The following PACSIN1 variants were observed in gnomAD, a reference collection of about 807,000 sequenced individuals.
The protein encoded by PACSIN1 is protein kinase C and casein kinase substrate in neurons 1, also known as protein kinase C and casein kinase substrate in neurons protein 1.
PACSIN1 carries 15 observed loss-of-function variants against 59.5 expected under a neutral mutation model. The observed-to-expected ratio is 0.25, with a 90% confidence interval of 0.17 to 0.39. The LOEUF (loss-of-function observed/expected upper bound fraction) is 0.39. Ranked by LOEUF, PACSIN1 falls within the 10% of genes least tolerant of loss-of-function variation. PACSIN1 has a pLI of 1.00. For missense variants in PACSIN1, 420 were observed against 580.2 expected (o/e 0.72, Z 2.84); for synonymous variants, 210 against 220.6 (o/e 0.95, Z 0.42).
Position 34,525,267 on chromosome 6 carries a change from A to G in PACSIN1, c.-63-976A>G, listed in dbSNP as rs1767462617. Reference sequence around the variant, plus strand: ...ATGCCTGAGGGGTGCAAGAGGCAATACTGGGTTATTACTGGGAAAGAGCCC... The same window carrying G: ...ATGCCTGAGGGGTGCAAGAGGCAATGCTGGGTTATTACTGGGAAAGAGCCC... On this transcript the variant is annotated intron_variant, in intron 1 of 9. Coordinates refer to ENST00000244458, the MANE Select transcript of PACSIN1 (RefSeq NM_020804.5). The surrounding 1 kb of genome is among the most constrained non-coding windows in gnomAD (Gnocchi z 4.9). Among the ~76,000 whole-genome samples the G allele has an allele frequency of 6.6e-6, 1 of 152,208 alleles. No homozygotes were observed. The highest frequency in any genetic ancestry group is 1.5e-5 in the Non-Finnish European group (1 of 68,030).
intron 1 of PACSIN1, among the ~76,000 whole-genome samples, chr6:34,471,342 A>G (rs1269493656): frequency 6.6e-6 from 1 of 152,226 alleles, no homozygotes; most frequent in Non-Finnish European, 1.5e-5. Context: ...GTGTGGGGGA[A>G]GAATCAATAG....
intron 1 of PACSIN1, among the ~76,000 whole-genome samples, chr6:34,512,382 G>T (rs1767218096): frequency 1.3e-5 from 2 of 152,070 alleles, no homozygotes; most frequent in East Asian, 3.9e-4. Flanking sequence ...AGCTGTCTTT[G>T]GTATCCTTGG....
Position 34,530,845 on chromosome 6 carries a change from G to T in PACSIN1, c.1037+258G>T, listed in dbSNP as rs1373508254. On this transcript the variant is annotated intron_variant, in intron 8 of 9. Coordinates refer to ENST00000244458, the MANE Select transcript of PACSIN1 (RefSeq NM_020804.5). This position sits in a 1 kb window ranked among gnomAD's most constrained non-coding sequence, Gnocchi z 4.4. ...AAACTGTTCCACCTCAGATCATCAG[G>T]CGTTAGATTCTCCTAAGGAACGTGC... Among the ~76,000 whole-genome samples, 1 of 152,180 alleles carries T rather than the reference G, an allele frequency of 6.6e-6. No homozygotes were observed.
At chr6:34,467,490 C>G (rs1247492713) in intron 1 of PACSIN1, among the ~76,000 whole-genome samples, 1 of 151,282 alleles carries the variant, frequency 6.6e-6, no homozygotes. Flanking sequence ...GGCTTTCTCT[C>G]TATTCCCCAG....
rs1171624409 is a variant in PACSIN1, at chr6:34,525,920, A to T, written c.-63-323A>T. On this transcript the variant is annotated intron_variant, in intron 1 of 9. Coordinates refer to ENST00000244458, the MANE Select transcript of PACSIN1 (RefSeq NM_020804.5). The surrounding 1 kb of genome is among the most constrained non-coding windows in gnomAD (Gnocchi z 4.9). ...GGTCCCGGGGCTCAGATAACTGAGG[A>T]GGCGCTGAGCCTGGGCTCCAACAGT... 6.6e-6 allele frequency among the ~76,000 whole-genome samples: 1 copy of T among 151,972 alleles called. No homozygotes were observed. The highest frequency in any genetic ancestry group is 1.5e-5 in the Non-Finnish European group (1 of 67,974).
rs997974391 is a variant in PACSIN1 at position 34,515,450 on chromosome 6, G to T, written c.-63-10793G>T. Among the ~76,000 whole-genome samples, 6 of 152,170 alleles carry T rather than the reference G, an allele frequency of 3.9e-5. No individual in the cohort carries two copies. The highest frequency in any genetic ancestry group is 1.4e-4 in the African/African-American group (6 of 41,444). On this transcript the variant is annotated intron_variant, in intron 1 of 9. Transcript: ENST00000244458. The surrounding 1 kb of genome is among the most constrained non-coding windows in gnomAD (Gnocchi z 4.4). ...TGCGGCAGAGGGCAGGGAGGAGTAA[G>T]GATGCCCCTGCCCCACTCAAGGCAC...
intron 4 of PACSIN1, 35 bp downstream of exon 4, chr6:34,528,912 T>TGGGCCCTGGGGGGGGGGGGGGG: frequency 1.1e-5 from 5 of 464,330 alleles, no homozygotes; most frequent in East Asian, 1.1e-4. Context: ...CGGGGTGGGG[T>TGGGCCCTGGGGGGGGGGGGGGG]GGGCCCGTCT....
intron 1 of PACSIN1, among the ~76,000 whole-genome samples, chr6:34,482,175 C>T (rs1766728852): frequency 6.6e-6 from 1 of 152,192 alleles, no homozygotes; most frequent in South Asian, 2.1e-4. Flanking sequence ...CAATCTCTGC[C>T]TCTTGGATTC....
rs1266485172 is a variant in PACSIN1 at position 34,531,672 on chromosome 6, G to A, written c.1110G>A (p.Gly370=). 6.8e-6 allele frequency: 11 copies of A among 1,613,854 alleles called. No homozygotes were observed. The highest frequency in any genetic ancestry group is 9.3e-6 in the Non-Finnish European group (11 of 1,180,012). Residue 370 remains glycine, a synonymous_variant, in exon 9 of 10, where the codon GGG becomes GGA. Coordinates refer to ENST00000244458, the MANE Select transcript of PACSIN1 (RefSeq NM_020804.5). This position sits in a 1 kb window ranked among gnomAD's most constrained non-coding sequence, Gnocchi z 4.4. The stretch of plus-strand genomic sequence containing the variant: ...ACGACGAGAGTGGGAACCCCTTTGG[G>A]GGCAGTGAGACCAACGGGGGCGCCA... The part of the protein sequence containing the change: ...WSDDESGNPF[G]GSETNGGANP...
Position 34,489,687 on chromosome 6 carries a change from C to T in PACSIN1, c.-64+23417C>T, listed in dbSNP as rs189834557. ...TGGATCCACTGGACTCCCTGTGAGCCGAAGCTGGGCCAGGACTCCACTCAT... is the reference window on the plus strand; with the variant it reads ...TGGATCCACTGGACTCCCTGTGAGCTGAAGCTGGGCCAGGACTCCACTCAT... On this transcript the variant is annotated intron_variant, in intron 1 of 9. Transcript: ENST00000244458. Among the ~76,000 whole-genome samples, 300 of 152,282 alleles carry T rather than the reference C, an allele frequency of 2.0e-3. 8 individuals are homozygous for T. The highest frequency in any genetic ancestry group is 6.8e-3 in the Middle Eastern group (2 of 294).
Position 34,532,512 on chromosome 6 carries a change from C to T in PACSIN1, c.1317C>T (p.Asn439=), listed in dbSNP as rs764270509. The T allele has an allele frequency of 1.1e-5, 17 of 1,554,526 alleles. No homozygotes were observed. The highest frequency in any genetic ancestry group is 2.4e-5 in the East Asian group (1 of 41,346). The change falls in exon 10 of 10, where the codon AAC becomes AAT. Residue 439 remains asparagine (N), a synonymous_variant. Coordinates refer to ENST00000244458, the MANE Select transcript of PACSIN1 (RefSeq NM_020804.5). The surrounding 1 kb of genome is among the most constrained non-coding windows in gnomAD (Gnocchi z 5.2). ...GGCAGCTGGGCCTCTACCCTGCCAACTACGTGGAGGCTATCTAGAGGCCCC... is the reference window on the plus strand; with the variant it reads ...GGCAGCTGGGCCTCTACCCTGCCAATTACGTGGAGGCTATCTAGAGGCCCC... ...DSGQLGLYPA[N]YVEAI is the part of the protein sequence containing the mutation.
intron 1 of PACSIN1, among the ~76,000 whole-genome samples, chr6:34,520,280 G>C (rs1767366385): frequency 6.6e-6 from 1 of 152,204 alleles, no homozygotes; most frequent in South Asian, 2.1e-4. Flanking sequence ...GTCTATCTCT[G>C]GGTAAGGCGA....
intron 1 of PACSIN1, among the ~76,000 whole-genome samples, chr6:34,475,128 T>C (rs1766620626): frequency 6.6e-6 from 1 of 152,194 alleles, no homozygotes; most frequent in Non-Finnish European, 1.5e-5. Context: ...CCTGACATTA[T>C]GCTCTTGTTG....
intron 1 of PACSIN1, among the ~76,000 whole-genome samples, chr6:34,495,598 G>C (rs528724530): frequency 6.6e-6 from 1 of 151,910 alleles, no homozygotes; most frequent in Non-Finnish European, 1.5e-5. Flanking sequence ...GATTACAGGC[G>C]CGCGCCACCA....
At position 34,514,459 on chromosome 6, in the gene PACSIN1, A is replaced by G. The variant is rs2127265664; in HGVS notation, c.-63-11784A>G. Among the ~76,000 whole-genome samples, 1 of 152,326 alleles carries G rather than the reference A, an allele frequency of 6.6e-6. No individual in the cohort carries two copies. Among genetic ancestry groups the G allele is most frequent in the Non-Finnish European group, 1.5e-5 (1 of 68,030 alleles). ...TTTTGAATTTTCATCAAATGAGAGA[A>G]TAAATGATTAAACAAATAGAAATGC... On this transcript the variant is annotated intron_variant, in intron 1 of 9. Coordinates refer to ENST00000244458, the MANE Select transcript of PACSIN1 (RefSeq NM_020804.5). This position sits in a 1 kb window ranked among gnomAD's most constrained non-coding sequence, Gnocchi z 4.4.
In PACSIN1 at chr6:34,514,427, C is replaced by A. The variant is rs1011122253; in HGVS notation, c.-63-11816C>A. ...CACACTCAGCCTGGCCTAGAAAAAA[C>A]TCAAAATTTTGAATTTTCATCAAAT... On this transcript the variant is annotated intron_variant, in intron 1 of 9. Coordinates refer to ENST00000244458, the MANE Select transcript of PACSIN1 (RefSeq NM_020804.5). The surrounding 1 kb of genome is among the most constrained non-coding windows in gnomAD (Gnocchi z 4.4). Among the ~76,000 whole-genome samples, 1 of 152,168 alleles carries A rather than the reference C, an allele frequency of 6.6e-6. No individual in the cohort carries two copies. Among genetic ancestry groups the A allele is most frequent in the Non-Finnish European group, 1.5e-5 (1 of 68,046 alleles).
chr6:34,474,042 C>CT (rs1479725777), intron 1 of PACSIN1, among the ~76,000 whole-genome samples: 1 of 152,144 alleles, frequency 6.6e-6, no homozygotes, highest in African/African-American at 2.4e-5. Context: ...GTTGATATGT[C>CT]TTAGTCTCTT....
In PACSIN1 at chr6:34,531,679, G is replaced by A. The variant is rs1480258129; in HGVS notation, c.1117G>A (p.Glu373Lys). ...GAGTGGGAACCCCTTTGGGGGCAGT[G>A]AGACCAACGGGGGCGCCAACCCCTT... ...DESGNPFGGS[E>K]TNGGANPFED... Residue 373 changes from glutamate (E) to lysine (K), a missense_variant, in exon 9 of 10, where the codon GAG becomes AAG. Physicochemically the swap from Glu to Lys is moderately conservative, Grantham distance 56. Coordinates refer to ENST00000244458, the MANE Select transcript of PACSIN1 (RefSeq NM_020804.5). The surrounding 1 kb of genome is among the most constrained non-coding windows in gnomAD (Gnocchi z 4.4). 6.2e-7 allele frequency: 1 copy of A among 1,613,902 alleles called. No homozygotes were observed. The highest frequency in any genetic ancestry group is 8.5e-7 in the Non-Finnish European group (1 of 1,179,976).
At position 34,471,676 on chromosome 6, in the gene PACSIN1, A is replaced by G. The variant is rs145371853; in HGVS notation, c.-64+5406A>G. 3.5e-4 allele frequency among the ~76,000 whole-genome samples: 54 copies of G among 152,350 alleles called. No homozygotes were observed. The East Asian group carries it at 6.2e-3, about 17-fold the overall frequency. On this transcript the variant is annotated intron_variant, in intron 1 of 9. Transcript: ENST00000244458. ...AGAACTCTCACGTCAGTCGGGGAGC[A>G]TACGTTAGCACTGTGTTTTTGGCAA...
Sources: allele counts gnomAD v4.1 joint callset (sites outside exome capture counted in the v4.1 genomes callset), GRCh38; gene constraint gnomAD v4.1.1; non-coding constraint Gnocchi (gnomAD v3.1); transcripts MANE v1.5; gene names NCBI Gene and HGNC (gene_info 2026-07-23, HGNC 2026-07-21).